CDH12: variants seen among roughly 807,000 people sequenced by gnomAD.
CDH12 encodes the protein cadherin-12.
In CDH12, 41 loss-of-function variants were observed where a neutral mutation model predicts 74.1. That is an observed-to-expected ratio of 0.55 (90% confidence interval 0.43 to 0.72). CDH12 has a LOEUF of 0.72. CDH12 is among the 30% of genes least tolerant of loss of function. The pLI, the probability that CDH12 is intolerant of heterozygous loss-of-function variation, is 0.00. For missense variants in CDH12, 945 were observed against 977.2 expected, an observed-to-expected ratio of 0.97 and a Z score of 0.44; for synonymous variants, 399 against 355.0, an observed-to-expected ratio of 1.12 and a Z score of -1.39.
intron 1 of CDH12, among the ~76,000 whole-genome samples, chr5:22,675,887 A>ATATATATATATATATATAT (rs57091025): frequency 7.3e-6 from 1 of 137,390 alleles, no homozygotes; most frequent in Non-Finnish European, 1.6e-5. Flanking sequence ...ATATATATAT[A>ATATATATATATATATATAT]CTTTTGTTTA....
chr5:22,478,014 TA>T (rs1450314080), intron 2 of CDH12, among the ~76,000 whole-genome samples: 2 of 152,152 alleles, frequency 1.3e-5, no homozygotes, highest in South Asian at 4.1e-4. Context: ...TTAATCCAAG[TA>T]GGGGATTAGA....
At chr5:22,560,768 G>A (rs961180293) in intron 1 of CDH12, among the ~76,000 whole-genome samples, 2 of 152,054 alleles carry the variant, frequency 1.3e-5, no homozygotes, top group Non-Finnish European at 1.5e-5. Context: ...TTATATTAAT[G>A]TGCCTTAACA....
chr5:22,180,488 A>AT (rs528439938), intron 4 of CDH12, among the ~76,000 whole-genome samples: 18,714 of 82,888 alleles, frequency 0.23, 1,275 homozygotes, highest in South Asian at 0.33. Flanking sequence ...ACAGTTTTTG[A>AT]TTTTTTTTTG....
chr5:22,765,530 T>G (rs1746459361), intron 1 of CDH12, among the ~76,000 whole-genome samples: 1 of 152,008 alleles, frequency 6.6e-6, no homozygotes, highest in Admixed American at 6.6e-5. Context: ...TATCTTCCAG[T>G]ATAGATTATT....
intron 6 of CDH12, among the ~76,000 whole-genome samples, chr5:21,956,011 T>C (rs1286519911): frequency 6.6e-6 from 1 of 151,968 alleles, no homozygotes; most frequent in Non-Finnish European, 1.5e-5. Context: ...ACTTCAAACA[T>C]TGGAAAATAC....
chr5:22,584,110 A>ATTTATTTATTTAT (rs1452164858), intron 1 of CDH12, among the ~76,000 whole-genome samples: 2 of 131,192 alleles, frequency 1.5e-5, no homozygotes, highest in Admixed American at 1.5e-4. Flanking sequence ...TTATTTATTT[A>ATTTATTTATTTAT]TTATTTTTGA....
At chr5:22,808,004 G>A (rs2126438914) in intron 1 of CDH12, among the ~76,000 whole-genome samples, 1 of 152,314 alleles carries the variant, frequency 6.6e-6, no homozygotes, top group East Asian at 1.9e-4. Flanking sequence ...TGGATTATAG[G>A]ATTTTTCAGC....
At chr5:22,817,085 C>T (rs17293739) in intron 1 of CDH12, among the ~76,000 whole-genome samples, 9,834 of 152,084 alleles carry the variant, frequency 0.065, 470 homozygotes, top group South Asian at 0.16. Context: ...CTCTAGATAA[C>T]GAAAATGCTA....
chr5:22,639,432 CTTT>C lies in CDH12; in HGVS notation c.-522-134071_-522-134069del, dbSNP rs10706075. Among the ~76,000 whole-genome samples the C allele has an allele frequency of 6.8e-4, 79 of 115,606 alleles. No individual in the cohort carries two copies. In the East Asian group the frequency reaches 0.01, roughly 15 times the overall value. The allele number at this position is 115,606 out of a possible 152,430, so 75.8% of individuals were successfully genotyped here. A position where few individuals can be genotyped will look rare whatever the true frequency, so the allele number is the denominator to read the frequency against. On this transcript the variant is annotated intron_variant, in intron 1 of 14. Transcript: ENST00000382254. Reference sequence around the variant, plus strand: ...GGATGATATTTAAGCTTTTCTTCTTCTTTTTTTTTTTTTTTTTTCAAATTTTCA... The same window carrying C: ...GGATGATATTTAAGCTTTTCTTCTTCTTTTTTTTTTTTTTTCAAATTTTCA...
At chr5:22,074,963 T>C (rs1381017120) in intron 5 of CDH12, among the ~76,000 whole-genome samples, 2 of 152,082 alleles carry the variant, frequency 1.3e-5, no homozygotes, top group Non-Finnish European at 2.9e-5. Context: ...TTACTGGGTA[T>C]ATACCCAAAG....
At chr5:22,035,713 T>C (rs4537021) in intron 5 of CDH12, among the ~76,000 whole-genome samples, 3,013 of 143,304 alleles carry the variant, frequency 0.021, 118 homozygotes, top group African/African-American at 0.073. Flanking sequence ...ACTTCACACA[T>C]ACACACACAC....
chr5:21,797,689 AAC>A (rs1354516113), intron 10 of CDH12, among the ~76,000 whole-genome samples: 7 of 152,094 alleles, frequency 4.6e-5, no homozygotes, highest in Non-Finnish European at 1.0e-4. Context: ...CAAAATAAAA[AAC>A]ACACTTACAG....
chr5:22,441,783 C>A (rs1744633596), intron 2 of CDH12, among the ~76,000 whole-genome samples: 1 of 152,126 alleles, frequency 6.6e-6, no homozygotes, highest in Non-Finnish European at 1.5e-5. Context: ...TGGCTCACTG[C>A]AACCCCTGCC....
At chr5:22,044,544 C>A (rs1424261888) in intron 5 of CDH12, among the ~76,000 whole-genome samples, 1 of 152,124 alleles carries the variant, frequency 6.6e-6, no homozygotes, top group East Asian at 1.9e-4. Flanking sequence ...TCTAATCACC[C>A]CCCATCAGGT....
chr5:21,902,362 C>G (rs1028716948), intron 6 of CDH12, among the ~76,000 whole-genome samples: 4 of 151,876 alleles, frequency 2.6e-5, no homozygotes, highest in Non-Finnish European at 1.5e-5. Flanking sequence ...CACTCACTGT[C>G]TCTCTTTCAG....
intron 12 of CDH12, among the ~76,000 whole-genome samples, chr5:21,762,430 A>G (rs1237143313): frequency 2.0e-5 from 3 of 152,120 alleles, no homozygotes; most frequent in Non-Finnish European, 2.9e-5. Flanking sequence ...AATCCAGGAG[A>G]GACAGTTCGT....
intron 1 of CDH12, among the ~76,000 whole-genome samples, chr5:22,522,197 T>C (rs896785086): frequency 2.0e-5 from 3 of 152,196 alleles, no homozygotes; most frequent in Non-Finnish European, 2.9e-5. Context: ...CTATAGTTAG[T>C]ATGGTATTAA....
At chr5:21,899,247 G>C (rs1753271233) in intron 6 of CDH12, among the ~76,000 whole-genome samples, 2 of 152,116 alleles carry the variant, frequency 1.3e-5, no homozygotes, top group Admixed American at 1.3e-4. Flanking sequence ...ATGCCACCTT[G>C]CATTACAAAT....
At chr5:22,407,717 C>T (rs1370305265) in intron 2 of CDH12, among the ~76,000 whole-genome samples, 1 of 151,998 alleles carries the variant, frequency 6.6e-6, no homozygotes, top group Non-Finnish European at 1.5e-5. Context: ...GTGCAAAAAC[C>T]ACTAGTTTGC....
Sources: allele counts gnomAD v4.1 joint callset (sites outside exome capture counted in the v4.1 genomes callset), GRCh38; gene constraint gnomAD v4.1.1; transcripts MANE v1.5; gene names NCBI Gene and HGNC (gene_info 2026-07-23, HGNC 2026-07-21).